The following TRMT61B variants were observed in gnomAD, a reference collection of about 807,000 sequenced individuals.
The protein encoded by TRMT61B is tRNA (adenine(58)-N(1))-methyltransferase, mitochondrial.
A neutral mutation model predicts 52.0 loss-of-function variants in TRMT61B; 56 were observed. That is an observed-to-expected ratio of 1.08 (90% confidence interval 0.87 to 1.35). The LOEUF (loss-of-function observed/expected upper bound fraction) is 1.35, where lower values mean the gene tolerates loss of function less well. TRMT61B is among the 40% of genes most tolerant of loss of function. The pLI is 0.00. For synonymous variants in TRMT61B, 206 were observed against 220.0 expected, an observed-to-expected ratio of 0.94 and a Z score of 0.56; for missense variants, 650 against 577.9, an observed-to-expected ratio of 1.12 and a Z score of -1.28.
Position 28,850,330 on chromosome 2 carries a change from G to GT in TRMT61B, c.1387dup (p.Thr463AsnfsTer15). On this transcript the variant is annotated frameshift_variant, in exon 6 of 7. Transcript: ENST00000306108. LOFTEE classifies it high-confidence loss of function. ...TATGTTCTGAAAACATTACTCACCT[G>GT]TATGACCAGGTTGCCAGTGTACTGG... is the stretch of plus-strand genomic sequence containing the variant. 1 of 1,608,606 alleles carries GT rather than the reference G, an allele frequency of 6.2e-7. No homozygotes were observed. Among genetic ancestry groups the GT allele is most frequent in the Admixed American group, 1.7e-5 (1 of 59,840 alleles).
At chr2:28,860,903 A>C (rs745541893) in intron 3 of TRMT61B, among the ~76,000 whole-genome samples, 1 of 152,194 alleles carries the variant, frequency 6.6e-6, no homozygotes, top group Non-Finnish European at 1.5e-5. Context: ...CCCCACATTC[A>C]ATGACAACTT....
At chr2:28,866,867 C>T (rs1220686546) in intron 1 of TRMT61B, among the ~76,000 whole-genome samples, 1 of 152,138 alleles carries the variant, frequency 6.6e-6, no homozygotes, top group Non-Finnish European at 1.5e-5. Context: ...GCAATAGTAG[C>T]TCACGGCAGC....
At position 28,851,298 on chromosome 2, in the gene TRMT61B, G is replaced by A. The variant is rs369410540; in HGVS notation, c.1086C>T (p.Asn362=). 8 of 1,588,534 alleles carry A rather than the reference G, an allele frequency of 5.0e-6. No homozygotes were observed. The African/African-American group carries it at 1.1e-4, about 22-fold the overall frequency. The part of the protein sequence containing the change: ...HGGVCAVYVV[N]ITQVIELLDG... ...CTAAAAGTTCAATAACCTGTGTGAT[G>A]CTTTCAGAAAAGTGAAAAATTTACA... The change falls in exon 5 of 7, where the codon AAC becomes AAT. Residue 362 remains asparagine, a splice_region_variant and synonymous_variant. Coordinates refer to ENST00000306108, the MANE Select transcript of TRMT61B (RefSeq NM_017910.4).
At chr2:28,858,173 T>G (rs1669428999) in intron 3 of TRMT61B, among the ~76,000 whole-genome samples, 1 of 151,802 alleles carries the variant, frequency 6.6e-6, no homozygotes, top group African/African-American at 2.4e-5. Context: ...CCCCAGTAGC[T>G]GGGACTACAG....
Position 28,870,215 on chromosome 2 carries a change from A to G in TRMT61B, c.63T>C (p.Asn21=). 1 of 1,610,826 alleles carries G rather than the reference A, an allele frequency of 6.2e-7. No homozygotes were observed. Among genetic ancestry groups the G allele is most frequent in the Non-Finnish European group, 8.5e-7 (1 of 1,179,544 alleles). Residue 21 remains asparagine, a synonymous_variant, in exon 1 of 7, where the codon AAT becomes AAC. Coordinates refer to ENST00000306108, the MANE Select transcript of TRMT61B (RefSeq NM_017910.4). ...LLCLRQGLGT[N]SFLHGLGQEP... Reference sequence around the variant, plus strand: ...CCTGCCCCAGGCCGTGCAGGAATGAATTGGTTCCGAGCCCCTGCCGCAGGC... The same window carrying G: ...CCTGCCCCAGGCCGTGCAGGAATGAGTTGGTTCCGAGCCCCTGCCGCAGGC...
chr2:28,863,656 C>T (rs1006837627), intron 2 of TRMT61B, among the ~76,000 whole-genome samples: 1 of 152,068 alleles, frequency 6.6e-6, no homozygotes, highest in African/African-American at 2.4e-5. Flanking sequence ...AGGAATTTGT[C>T]ATAGATGATG....
At chr2:28,856,135 A>T (rs1466034676) in intron 3 of TRMT61B, among the ~76,000 whole-genome samples, 1 of 152,214 alleles carries the variant, frequency 6.6e-6, no homozygotes, top group East Asian at 1.9e-4. Context: ...CTCAATTCTC[A>T]GTTAACAGCA....
chr2:28,854,370 G>A (rs1669247333), intron 3 of TRMT61B, among the ~76,000 whole-genome samples: 1 of 152,124 alleles, frequency 6.6e-6, no homozygotes, highest in African/African-American at 2.4e-5. Flanking sequence ...ACTTTGGGAA[G>A]CCAAGGGAGG....
chr2:28,869,704 T>A lies in TRMT61B; in HGVS notation c.574A>T (p.Ile192Phe). The A allele has an allele frequency of 6.2e-7, 1 of 1,614,168 alleles. No homozygotes were observed. The highest frequency in any genetic ancestry group is 8.5e-7 in the Non-Finnish European group (1 of 1,180,030). ...ATCTGGCCGGGGAACTTCCCCACGA[T>A]CTTGCCGAACGGGACTGCCCCCCAG... is the stretch of plus-strand genomic sequence containing the variant. ...SNWGAVPFGKIVGKFPGQILR... is the reference protein window; with the variant it reads ...SNWGAVPFGKFVGKFPGQILR... Residue 192 changes from isoleucine to phenylalanine, a missense_variant, in exon 1 of 7, where the codon ATC (isoleucine) becomes TTC (phenylalanine). Physicochemically the swap from Ile to Phe is conservative, Grantham distance 21. Coordinates refer to ENST00000306108, the MANE Select transcript of TRMT61B (RefSeq NM_017910.4).
intron 5 of TRMT61B, among the ~76,000 whole-genome samples, 154 bp downstream of exon 5, chr2:28,850,918 G>A (rs924636568): frequency 3.9e-5 from 6 of 152,154 alleles, no homozygotes; most frequent in Admixed American, 3.9e-4. Flanking sequence ...GGCAGGAAAA[G>A]TCATTATTCT....
At chr2:28,853,789 T>A (rs1385119450) in intron 3 of TRMT61B, among the ~76,000 whole-genome samples, 2 of 151,976 alleles carry the variant, frequency 1.3e-5, no homozygotes, top group Non-Finnish European at 1.5e-5. Flanking sequence ...TAAGCCAAGA[T>A]TAAACCACTG....
chr2:28,858,794 CAAAAAAA>C (rs1033258916), intron 3 of TRMT61B, among the ~76,000 whole-genome samples: 170 of 23,590 alleles, frequency 7.2e-3, no homozygotes, highest in Non-Finnish European at 9.6e-3. Context: ...GACTCCGTCT[CAAAAAAA>C]AAAAAAAAAA....
rs778259510 is a variant in TRMT61B at position 28,861,077 on chromosome 2, T to C, written c.993+41A>G. 2.6e-5 allele frequency: 39 copies of C among 1,506,638 alleles called. No homozygotes were observed. The East Asian group carries it at 8.0e-4, about 31-fold the overall frequency. The allele number at this position is 1,506,638 out of a possible 1,614,324, so 93.3% of individuals were successfully genotyped here. ...AGAAGCCTGACCCCTATCTTCTTTA[T>C]AGTCAAAGTAATAACACAGGACCCA... On this transcript the variant is annotated intron_variant, in intron 3 of 6. Transcript: ENST00000306108.
intron 1 of TRMT61B, among the ~76,000 whole-genome samples, 175 bp downstream of exon 1, chr2:28,869,404 G>A (rs1215763320): frequency 6.6e-6 from 1 of 152,148 alleles, no homozygotes; most frequent in Non-Finnish European, 1.5e-5. Context: ...GTTCCCTAAT[G>A]CTAATTTTCA....
intron 1 of TRMT61B, among the ~76,000 whole-genome samples, chr2:28,868,109 A>T (rs1669925988): frequency 6.6e-6 from 1 of 152,178 alleles, no homozygotes; most frequent in African/African-American, 2.4e-5. Flanking sequence ...AAGTTTTTTT[A>T]GTCCCTGGGT....
intron 3 of TRMT61B, among the ~76,000 whole-genome samples, chr2:28,859,502 G>A (rs76466671): frequency 1.1e-3 from 165 of 152,180 alleles, no homozygotes; most frequent in African/African-American, 3.8e-3. Context: ...TCATGATCTA[G>A]CTTCTACTTA....
Position 28,869,609 on chromosome 2 carries a change from C to A in TRMT61B, c.669G>T (p.Met223Ile), listed in dbSNP as rs769542077. Residue 223 changes from methionine (M) to isoleucine (I), a missense_variant, in exon 1 of 7, where the codon ATG becomes ATT. Transcript: ENST00000306108. Reference protein sequence around the residue: ...RPALEDYVVLMKRGTAITFPK... With the variant: ...RPALEDYVVLIKRGTAITFPK... ...GGAATGTTATGGCAGTCCCTCTTTT[C>A]ATCAATACTACATAGTCTTCCAAGG... The A allele has an allele frequency of 6.2e-7, 1 of 1,613,256 alleles. No individual in the cohort carries two copies. The highest frequency in any genetic ancestry group is 8.5e-7 in the Non-Finnish European group (1 of 1,179,492).
intron 1 of TRMT61B, among the ~76,000 whole-genome samples, chr2:28,867,221 G>A (rs1394939090): frequency 1.3e-5 from 2 of 151,818 alleles, no homozygotes; most frequent in African/African-American, 4.8e-5. Context: ...TCAGCCTCCT[G>A]CGTAGCTGGG....
chr2:28,862,071 T>A (rs1485741548), intron 2 of TRMT61B: 1 of 151,838 alleles, frequency 6.6e-6, no homozygotes, highest in Non-Finnish European at 1.5e-5. Context: ...CCAGGTGTTG[T>A]GGCACATGCC....
Sources: allele counts gnomAD v4.1 joint callset (sites outside exome capture counted in the v4.1 genomes callset), GRCh38; gene constraint gnomAD v4.1.1; transcripts MANE v1.5; gene names NCBI Gene and HGNC (gene_info 2026-07-23, HGNC 2026-07-21).